The following KBTBD12 variants were observed in gnomAD, a reference collection of about 807,000 sequenced individuals.
The protein encoded by KBTBD12 is kelch repeat and BTB domain-containing protein 12.
A neutral mutation model predicts 58.7 loss-of-function variants in KBTBD12; 53 were observed. The ratio of observed to expected loss-of-function variants is 0.90; its 90% confidence interval spans 0.72 to 1.14. The LOEUF is 1.14. KBTBD12 is among the 50% of genes most tolerant of loss of function. The pLI, the probability that KBTBD12 is intolerant of heterozygous loss-of-function variation, is 0.00. For missense variants in KBTBD12, 704 were observed against 751.3 expected (o/e 0.94, Z 0.74); for synonymous variants, 236 against 259.8 (o/e 0.91, Z 0.88).
rs1576387270 is a variant in KBTBD12, at chr3:127,957,417, G to A, written c.1493-5772G>A. On this transcript the variant is annotated intron_variant, in intron 4 of 5. Transcript: ENST00000405109. ...AGCTGTGGAATAGGTTTGACTAATA[G>A]CTCTTTGCAGGACCACTTCATAGAA... is the stretch of plus-strand genomic sequence containing the variant. Among the ~76,000 whole-genome samples, 3 of 152,266 alleles carry A rather than the reference G, an allele frequency of 2.0e-5. No homozygotes were observed. In the South Asian group the frequency reaches 6.2e-4, roughly 32 times the overall value.
Position 127,915,465 on chromosome 3 carries a change from G to A in KBTBD12, c.-234G>A. The stretch of plus-strand genomic sequence containing the variant: ...GACCTCTATTTATATCGCCCAGCCA[G>A]CACAGGCCCATATTGGGCAGTGGCC... On this transcript the variant is annotated 5_prime_UTR_variant, in exon 1 of 6. Transcript: ENST00000405109. 6.5e-6 allele frequency: 1 copy of A among 152,714 alleles called. No individual in the cohort carries two copies. The highest frequency in any genetic ancestry group is 1.5e-5 in the Non-Finnish European group (1 of 68,312). The allele number at this position is 152,714 out of a possible 1,614,324, so 9.5% of individuals were successfully genotyped here.
intron 4 of KBTBD12, among the ~76,000 whole-genome samples, chr3:127,955,506 A>T (rs970738899): frequency 2.0e-5 from 3 of 152,226 alleles, no homozygotes; most frequent in African/African-American, 7.2e-5. Context: ...TTTTGATAAA[A>T]TTCTAAGCAA....
intron 5 of KBTBD12, among the ~76,000 whole-genome samples, chr3:127,981,910 G>A (rs564475349): frequency 6.6e-6 from 1 of 152,284 alleles, no homozygotes; most frequent in African/African-American, 2.4e-5. Flanking sequence ...ATGAGCACAC[G>A]TGGATCATTT....
Position 127,927,887 on chromosome 3 carries a change from C to T in KBTBD12, c.1194C>T (p.Asn398=), listed in dbSNP as rs2107591567. The T allele has an allele frequency of 6.2e-7, 1 of 1,613,408 alleles. No individual in the cohort carries two copies. The highest frequency in any genetic ancestry group is 8.5e-7 in the Non-Finnish European group (1 of 1,179,502). The part of the protein sequence containing the change: ...YVIGGQMKIK[N]QYLITNCVDK... The stretch of plus-strand genomic sequence containing the variant: ...TAGGAGGACAGATGAAAATTAAAAA[C>T]CAGTATCTTATTACAAACTGTGTTG... Residue 398 remains asparagine, a synonymous_variant, in exon 3 of 6, where the codon AAC becomes AAT. Transcript: ENST00000405109.
At chr3:127,932,978 T>C (rs1430071987) in intron 4 of KBTBD12, among the ~76,000 whole-genome samples, 3 of 152,154 alleles carry the variant, frequency 2.0e-5, no homozygotes, top group Non-Finnish European at 2.9e-5. Context: ...TTGTAAAGCA[T>C]ATCTTTAGAA....
At chr3:127,933,912 G>A (rs1048405461) in intron 4 of KBTBD12, among the ~76,000 whole-genome samples, 3 of 151,956 alleles carry the variant, frequency 2.0e-5, no homozygotes, top group African/African-American at 7.3e-5. Flanking sequence ...ACAACAAAAA[G>A]GCAGTCAAAA....
rs2107619973 is a variant in KBTBD12 at position 127,985,065 on chromosome 3, T to C, written c.*787T>C. ...CTCTGTCCGGGACAGGGATGTGGGG[T>C]TCTGCAGCCTGGTCCACTCCGGGGC... On this transcript the variant is annotated 3_prime_UTR_variant, in exon 6 of 6. Transcript: ENST00000405109. 1 of 152,382 alleles carries C rather than the reference T, an allele frequency of 6.6e-6. No individual in the cohort carries two copies. The highest frequency in any genetic ancestry group is 2.1e-4 in the South Asian group (1 of 4,816). 9.4% of individuals were successfully genotyped at this position (152,382 alleles called of 1,614,324 possible).
intron 4 of KBTBD12, among the ~76,000 whole-genome samples, chr3:127,948,689 C>T (rs1390249402): frequency 6.6e-6 from 1 of 152,190 alleles, no homozygotes; most frequent in Non-Finnish European, 1.5e-5. Flanking sequence ...GGGAAAGCCT[C>T]CAGCTCTGGG....
intron 5 of KBTBD12, among the ~76,000 whole-genome samples, chr3:127,964,628 G>T (rs1391550416): frequency 7.4e-6 from 1 of 134,468 alleles, no homozygotes; most frequent in Non-Finnish European, 1.6e-5. Flanking sequence ...GCAACAGAGC[G>T]AGACTCCATC....
chr3:127,970,918 C>T (rs1458573983), intron 5 of KBTBD12, among the ~76,000 whole-genome samples: 1 of 152,072 alleles, frequency 6.6e-6, no homozygotes, highest in Non-Finnish European at 1.5e-5. Flanking sequence ...TATACATTTT[C>T]AAGGGGTGAA....
chr3:127,924,866 A>G (rs1939526593), intron 2 of KBTBD12, among the ~76,000 whole-genome samples: 3 of 152,218 alleles, frequency 2.0e-5, no homozygotes, highest in Admixed American at 2.0e-4. Flanking sequence ...AGGTTTATTT[A>G]CTGTTTATTC....
intron 4 of KBTBD12, among the ~76,000 whole-genome samples, chr3:127,954,778 C>A (rs1043210015): frequency 1.3e-5 from 2 of 152,242 alleles, no homozygotes; most frequent in Admixed American, 6.5e-5. Flanking sequence ...AGCCTAGCGC[C>A]AGCCACAGGG....
intron 1 of KBTBD12, among the ~76,000 whole-genome samples, chr3:127,918,930 T>A (rs1939329042): frequency 6.6e-6 from 1 of 152,178 alleles, no homozygotes; most frequent in South Asian, 2.1e-4. Flanking sequence ...AATAACTTTA[T>A]ACACGGTAGT....
chr3:127,972,029 G>C (rs1301307784), intron 5 of KBTBD12, among the ~76,000 whole-genome samples: 1 of 152,160 alleles, frequency 6.6e-6, no homozygotes, highest in Non-Finnish European at 1.5e-5. Context: ...AAGAGAAAAT[G>C]CACTGGGAAG....
intron 4 of KBTBD12, among the ~76,000 whole-genome samples, chr3:127,950,953 T>C (rs941357145): frequency 2.0e-5 from 3 of 151,978 alleles, no homozygotes; most frequent in Admixed American, 2.0e-4. Context: ...CACTTGAACA[T>C]GGGAGGCGGA....
intron 5 of KBTBD12, among the ~76,000 whole-genome samples, chr3:127,964,210 C>G (rs1320664412): frequency 6.6e-6 from 1 of 151,918 alleles, no homozygotes; most frequent in Admixed American, 6.6e-5. Flanking sequence ...CAGTACATAC[C>G]CATGAAAACA....
chr3:127,924,515 A>C (rs965281923), intron 2 of KBTBD12, among the ~76,000 whole-genome samples: 1 of 151,814 alleles, frequency 6.6e-6, no homozygotes, highest in Admixed American at 6.6e-5. Flanking sequence ...ATCCCATTTT[A>C]GTTTTCAATC....
intron 1 of KBTBD12, 124 bp from the exon 2 acceptor site, chr3:127,922,826 T>G (rs1939449731): frequency 3.0e-6 from 1 of 338,898 alleles, no homozygotes; most frequent in Non-Finnish European, 5.3e-6. Context: ...AGTAGTTGTC[T>G]TAAACTGCTC....
rs1250887735 is a variant in KBTBD12 at position 127,923,996 on chromosome 3, C to T, written c.935C>T (p.Ser312Leu). The change falls in exon 2 of 6, where the codon TCA (serine) becomes TTA (leucine). Residue 312 changes from serine to leucine, a missense_variant. Ser to Leu is a moderately radical substitution (Grantham distance 145, BLOSUM62 -2). Transcript: ENST00000405109. ...DPVSRKTYFI[S>L]SPKYGEGLGT... ...GTATCACGGAAAACCTATTTCATCT[C>T]ATCTCCCAAGTACGGAGAGGGTTTA... 1 of 1,613,784 alleles carries T rather than the reference C, an allele frequency of 6.2e-7. No individual in the cohort carries two copies. The highest frequency in any genetic ancestry group is 8.5e-7 in the Non-Finnish European group (1 of 1,179,748).
Sources: gnomAD v4.1 joint callset for allele counts (sites outside exome capture counted in the v4.1 genomes callset) on GRCh38, gnomAD v4.1.1 for gene constraint, MANE v1.5 for transcripts, NCBI Gene and HGNC (gene_info 2026-07-23, HGNC 2026-07-21) for gene names.